The following ANKRD36B variants were observed in gnomAD, a reference collection of about 807,000 sequenced individuals.
The protein encoded by ANKRD36B is ankyrin repeat domain 36B.
ANKRD36B carries 37 observed loss-of-function variants against 135.7 expected under a neutral mutation model. The observed-to-expected ratio is 0.27, with a 90% CI of 0.21 to 0.36. ANKRD36B has a LOEUF of 0.36. Ranked by LOEUF, ANKRD36B falls within the 10% of genes least tolerant of loss-of-function variation. The probability of loss-of-function intolerance (pLI) is 1.00; values close to 1 mark genes in which losing one functional copy is unlikely to be tolerated. For synonymous variants in ANKRD36B, 179 were observed against 348.1 expected (o/e 0.51, Z 5.41); for missense variants, 549 against 1,037.1 (o/e 0.53, Z 6.46).
chr2:97,536,111 A>C (rs2078876709), intron 34 of ANKRD36B, among the ~76,000 whole-genome samples, 189 bp downstream of exon 34: 1 of 96,828 alleles, frequency 1.0e-5, no homozygotes, highest in South Asian at 2.3e-4. Flanking sequence ...TGTTTTAAAA[A>C]TGTATTTTCC....
chr2:97,585,815 T>C (rs1320075390), intron 1 of ANKRD36B, among the ~76,000 whole-genome samples: 1 of 152,236 alleles, frequency 6.6e-6, no homozygotes, highest in Non-Finnish European at 1.5e-5. Context: ...AAAGACATTT[T>C]AATTAAGTAA....
intron 6 of ANKRD36B, among the ~76,000 whole-genome samples, chr2:97,568,113 G>A (rs939505123): frequency 2.6e-5 from 4 of 151,780 alleles, no homozygotes; most frequent in African/African-American, 7.3e-5. Context: ...CTCTTATTGT[G>A]CCTAATTTAT....
Position 97,535,259 on chromosome 2 carries a change from A to G in ANKRD36B, c.2191+1041T>C, listed in dbSNP as rs1164907723. Reference sequence around the variant, plus strand: ...TGAATAAAATGTAGCATTTTATAGCACAAAAACATGACTACAGTCAGAAAT... The same window carrying G: ...TGAATAAAATGTAGCATTTTATAGCGCAAAAACATGACTACAGTCAGAAAT... On this transcript the variant is annotated intron_variant, in intron 34 of 43. Transcript: ENST00000359901. 3.9e-5 allele frequency among the ~76,000 whole-genome samples: 4 copies of G among 101,514 alleles called. No homozygotes were observed. In the South Asian group the frequency reaches 9.3e-4, roughly 24 times the overall value. The allele number at this position is 101,514 out of a possible 152,430, so 66.6% of individuals were successfully genotyped here. A position where few individuals can be genotyped will look rare whatever the true frequency, so the allele number is the denominator to read the frequency against.
At position 97,536,482 on chromosome 2, in the gene ANKRD36B, G is replaced by C. The variant is rs745353256; in HGVS notation, c.2104C>G (p.Leu702Val). Residue 702 changes from leucine to valine, a missense_variant, in exon 33 of 44, where the codon CTG becomes GTG. Leu to Val is a conservative substitution (Grantham distance 32). Coordinates refer to ENST00000359901, the MANE Select transcript of ANKRD36B (RefSeq NM_001393939.1). ...GKSGTEYPENLRTLKATIENK... is the reference protein window; with the variant it reads ...GKSGTEYPENVRTLKATIENK... ...AGAGTAATTACCTTCAAGGTGCGCA[G>C]ATTCTCAGGATACTCTAACAAGCAA... The C allele has an allele frequency of 7.7e-5, 70 of 904,804 alleles. 13 individuals carry two copies. The South Asian group carries it at 8.3e-4, about 11-fold the overall frequency. The allele number at this position is 904,804 out of a possible 1,614,324, so 56.0% of individuals were successfully genotyped here.
At position 97,531,334 on chromosome 2, in the gene ANKRD36B, C is replaced by G. The variant is rs540904223; in HGVS notation, c.2265+977G>C. On this transcript the variant is annotated intron_variant, in intron 35 of 43. Coordinates refer to ENST00000359901, the MANE Select transcript of ANKRD36B (RefSeq NM_001393939.1). ...AAAAACCAAACACTGCATGCTCTCA[C>G]TCATAGGTGGGAATTGAACAACGAG... 5.4e-5 allele frequency among the ~76,000 whole-genome samples: 4 copies of G among 74,052 alleles called. 1 individual carries two copies. The highest frequency in any genetic ancestry group is 1.4e-4 in the Non-Finnish European group (4 of 29,254). 48.6% of individuals were successfully genotyped at this position (74,052 alleles called of 152,430 possible). A position where few individuals can be genotyped will look rare whatever the true frequency, so the allele number is the denominator to read the frequency against.
intron 14 of ANKRD36B, among the ~76,000 whole-genome samples, chr2:97,553,654 G>C (rs1016344207): frequency 2.6e-5 from 4 of 151,954 alleles, no homozygotes; most frequent in Non-Finnish European, 5.9e-5. Flanking sequence ...TATGCCAAGT[G>C]ATCATGACAA....
At chr2:97,568,927 A>T (rs2081635027) in intron 6 of ANKRD36B, among the ~76,000 whole-genome samples, 1 of 152,178 alleles carries the variant, frequency 6.6e-6, no homozygotes, top group African/African-American at 2.4e-5. Flanking sequence ...TTTCAAAGTG[A>T]TCGCTCAAAG....
At chr2:97,548,922 C>T (rs1052541869) in intron 20 of ANKRD36B, among the ~76,000 whole-genome samples, 1 of 151,914 alleles carries the variant, frequency 6.6e-6, no homozygotes, top group Non-Finnish European at 1.5e-5. Context: ...TAAATGACTT[C>T]CTCTTTTCAC....
intron 6 of ANKRD36B, among the ~76,000 whole-genome samples, chr2:97,572,644 T>C (rs1208183882): frequency 2.0e-5 from 3 of 150,768 alleles, no homozygotes; most frequent in African/African-American, 4.9e-5. Flanking sequence ...TACTTTAGAA[T>C]AGGTAGCTAA....
At chr2:97,514,084 G>GTCATATTT (rs2077689529) in intron 37 of ANKRD36B, among the ~76,000 whole-genome samples, 1 of 136,696 alleles carries the variant, frequency 7.3e-6, no homozygotes, top group Non-Finnish European at 1.5e-5. Context: ...CGGGGGCCAC[G>GTCATATTT]GTCACTCATA....
intron 22 of ANKRD36B, among the ~76,000 whole-genome samples, chr2:97,546,710 T>C (rs1009408779): frequency 6.6e-6 from 1 of 151,790 alleles, no homozygotes; most frequent in Non-Finnish European, 1.5e-5. Context: ...GTTTCTAAAA[T>C]AGACTTTTTG....
intron 10 of ANKRD36B, among the ~76,000 whole-genome samples, chr2:97,558,258 G>A (rs1381180594): frequency 6.6e-6 from 1 of 152,030 alleles, no homozygotes; most frequent in African/African-American, 2.4e-5. Flanking sequence ...TTACAAAAAT[G>A]TTCGAATATG....
Position 97,525,516 on chromosome 2 carries a change from A to G in ANKRD36B, c.2266-2049T>C, listed in dbSNP as rs1366486796. On this transcript the variant is annotated intron_variant, in intron 35 of 43. Coordinates refer to ENST00000359901, the MANE Select transcript of ANKRD36B (RefSeq NM_001393939.1). The stretch of plus-strand genomic sequence containing the variant: ...TTTCTGCATTTCCATCTGAGGTACC[A>G]GGTTCATCTCACTAGGGAGTGCCAG... Among the ~76,000 whole-genome samples, 2 of 96,102 alleles carry G rather than the reference A, an allele frequency of 2.1e-5. 1 individual carries two copies. Among genetic ancestry groups the G allele is most frequent in the Non-Finnish European group, 5.5e-5 (2 of 36,052 alleles). 63.0% of individuals were successfully genotyped at this position (96,102 alleles called of 152,430 possible).
At chr2:97,573,195 A>G (rs2082002111) in intron 6 of ANKRD36B, among the ~76,000 whole-genome samples, 2 of 152,146 alleles carry the variant, frequency 1.3e-5, no homozygotes, top group African/African-American at 4.8e-5. Context: ...TAATTTGCTG[A>G]GAATGATGGT....
intron 6 of ANKRD36B, among the ~76,000 whole-genome samples, chr2:97,563,431 T>A (rs1402092544): frequency 6.7e-6 from 1 of 149,516 alleles, no homozygotes; most frequent in East Asian, 2.0e-4. Context: ...GAGAAAAAAA[T>A]ACACACACAC....
At chr2:97,573,065 C>G (rs1455194732) in intron 6 of ANKRD36B, among the ~76,000 whole-genome samples, 8 of 151,832 alleles carry the variant, frequency 5.3e-5, no homozygotes, top group Non-Finnish European at 1.2e-4. Context: ...CCTCCCCACT[C>G]CCCCCACCCC....
intron 6 of ANKRD36B, among the ~76,000 whole-genome samples, chr2:97,564,495 G>A (rs1263019081): frequency 6.6e-6 from 1 of 152,142 alleles, no homozygotes; most frequent in African/African-American, 2.4e-5. Context: ...TTCATCCAGG[G>A]TTTTTATACA....
In ANKRD36B at chr2:97,560,692, T is replaced by C; in HGVS notation, c.838A>G (p.Ile280Val). 2 of 1,603,676 alleles carry C rather than the reference T, an allele frequency of 1.2e-6. No homozygotes were observed. The highest frequency in any genetic ancestry group is 1.7e-6 in the Non-Finnish European group (2 of 1,178,396). Residue 280 changes from isoleucine (I) to valine (V), a missense_variant, in exon 8 of 44, where the codon ATA (isoleucine) becomes GTA (valine). Coordinates refer to ENST00000359901, the MANE Select transcript of ANKRD36B (RefSeq NM_001393939.1). ...GTCCCAGATATAGGTCCCTCCTTTA[T>C]TTCTGTGGCTATATTTGAAACAGAA... Reference protein sequence around the residue: ...KDSVSNIATEIKEGPISGTVS... With the variant: ...KDSVSNIATEVKEGPISGTVS...
rs776063847 is a variant in ANKRD36B at position 97,589,544 on chromosome 2, TA to T, written c.141del (p.Asn47LysfsTer44). On this transcript the variant is annotated frameshift_variant, in exon 1 of 44. Transcript: ENST00000359901. LOFTEE classifies it high-confidence loss of function. ...CATTACCTTTCCTTCCTGTCTCTCT[TA>T]TTGGCGTCATAATACGTGAGCAGAA... Reference protein sequence around the residue: ...KYLLLTYYDANKRDRKERTAL... With the variant: ...KYLLLTYYDAXKRDRKERTAL... The T allele has an allele frequency of 1.2e-6, 2 of 1,601,574 alleles. No individual in the cohort carries two copies.
Sources: allele counts gnomAD v4.1 joint callset (sites outside exome capture counted in the v4.1 genomes callset), GRCh38; gene constraint gnomAD v4.1.1; transcripts MANE v1.5; gene names NCBI Gene and HGNC (gene_info 2026-07-23, HGNC 2026-07-21).